Variants in NBEA observed in about 807,000 individuals in gnomAD.
The protein encoded by NBEA is lysosomal-trafficking regulator 2.
A neutral mutation model predicts 343.4 loss-of-function variants in NBEA; 44 were observed. That is an observed-to-expected ratio of 0.13 (90% CI 0.10 to 0.16). The LOEUF is 0.16. Ranked by LOEUF, NBEA falls within the 10% of genes least tolerant of loss-of-function variation. The pLI is 1.00. For synonymous variants in NBEA, 1,175 were observed against 1,238.7 expected (o/e 0.95, Z 1.08); for missense variants, 2,555 against 3,631.3 (o/e 0.70, Z 7.62).
intron 41 of NBEA, among the ~76,000 whole-genome samples, chr13:35,509,013 A>T (rs1239096471): frequency 6.6e-6 from 1 of 152,196 alleles, no homozygotes; most frequent in Non-Finnish European, 1.5e-5. Context: ...TATGCCTTTT[A>T]CCTGCAGATG....
At chr13:35,236,836 TC>T (rs1324713207) in intron 34 of NBEA, among the ~76,000 whole-genome samples, 1 of 151,962 alleles carries the variant, frequency 6.6e-6, no homozygotes, top group Non-Finnish European at 1.5e-5. Context: ...CAAATTAATG[TC>T]ATGACTTATG....
intron 41 of NBEA, among the ~76,000 whole-genome samples, chr13:35,541,762 A>T (rs199558107): frequency 9.7e-6 from 1 of 102,974 alleles, no homozygotes. Context: ...GTGTGTGTGT[A>T]TGTGTTTGTG....
intron 17 of NBEA, among the ~76,000 whole-genome samples, chr13:35,134,494 C>A (rs1282997399): frequency 6.6e-6 from 1 of 151,806 alleles, no homozygotes; most frequent in African/African-American, 2.4e-5. Flanking sequence ...GCAAAAATAT[C>A]TTACCTACTT....
intron 38 of NBEA, among the ~76,000 whole-genome samples, chr13:35,431,125 A>G (rs1160385834): frequency 2.6e-5 from 4 of 152,222 alleles, no homozygotes; most frequent in African/African-American, 9.6e-5. Flanking sequence ...AATTAAAAAA[A>G]CGTTTTCATT....
chr13:35,344,946 A>G (rs1178181022), intron 36 of NBEA, among the ~76,000 whole-genome samples: 3 of 152,090 alleles, frequency 2.0e-5, no homozygotes, highest in African/African-American at 4.8e-5. Context: ...TCACATGCCA[A>G]TCTCCCTTAT....
intron 55 of NBEA, among the ~76,000 whole-genome samples, 192 bp from the exon 56 acceptor site, chr13:35,664,893 A>G (rs569981340): frequency 3.4e-4 from 52 of 152,282 alleles, no homozygotes; most frequent in Admixed American, 8.5e-4. Flanking sequence ...AACAGCATGT[A>G]TAATAGATTC....
At chr13:35,375,088 G>A (rs568760004) in intron 38 of NBEA, among the ~76,000 whole-genome samples, 2 of 152,158 alleles carry the variant, frequency 1.3e-5, no homozygotes, top group East Asian at 1.9e-4. Context: ...AAATTAGAAT[G>A]TGCATAAGAC....
At chr13:35,519,592 G>C (rs912437654) in intron 41 of NBEA, among the ~76,000 whole-genome samples, 5 of 152,074 alleles carry the variant, frequency 3.3e-5, no homozygotes, top group African/African-American at 1.2e-4. Flanking sequence ...ATGTAGACAT[G>C]AATATTTCTT....
chr13:35,359,427 A>G (rs2040681580), intron 38 of NBEA, among the ~76,000 whole-genome samples: 2 of 152,152 alleles, frequency 1.3e-5, no homozygotes, highest in Non-Finnish European at 2.9e-5. Flanking sequence ...ATTGAATACT[A>G]ATTGTTGTTA....
At chr13:35,649,031 A>G (rs949524275) in intron 51 of NBEA, among the ~76,000 whole-genome samples, 15 of 152,268 alleles carry the variant, frequency 9.9e-5, no homozygotes, top group African/African-American at 2.4e-4. Context: ...AATTAAAAAA[A>G]AAGAAGAAGA....
chr13:35,351,385 A>G (rs1411569592), intron 37 of NBEA, among the ~76,000 whole-genome samples: 1 of 152,020 alleles, frequency 6.6e-6, no homozygotes, highest in African/African-American at 2.4e-5. Context: ...TTATAATTAA[A>G]GAAATATTTC....
chr13:35,357,565 C>T (rs2040561700), intron 38 of NBEA, among the ~76,000 whole-genome samples: 2 of 152,018 alleles, frequency 1.3e-5, no homozygotes, highest in African/African-American at 2.4e-5. Flanking sequence ...TTTTCTGTTC[C>T]TGTGTTAGTT....
chr13:35,328,071 A>C (rs1046186660), intron 36 of NBEA, among the ~76,000 whole-genome samples: 1 of 151,994 alleles, frequency 6.6e-6, no homozygotes, highest in Non-Finnish European at 1.5e-5. Flanking sequence ...CACTTATATC[A>C]AACCTTTGAC....
At chr13:35,526,211 G>T (rs750674261) in intron 41 of NBEA, among the ~76,000 whole-genome samples, 21 of 152,214 alleles carry the variant, frequency 1.4e-4, no homozygotes, top group Non-Finnish European at 2.8e-4. Flanking sequence ...ATTTTGTTTT[G>T]TAGATATTTT....
At chr13:35,520,459 T>C (rs1441417045) in intron 41 of NBEA, among the ~76,000 whole-genome samples, 1 of 152,192 alleles carries the variant, frequency 6.6e-6, no homozygotes, top group Non-Finnish European at 1.5e-5. Flanking sequence ...TCATTAGCAC[T>C]GAGAAAGTTT....
At chr13:35,363,617 G>A (rs2040937063) in intron 38 of NBEA, among the ~76,000 whole-genome samples, 1 of 151,834 alleles carries the variant, frequency 6.6e-6, no homozygotes, top group African/African-American at 2.4e-5. Flanking sequence ...GATCCTGCTT[G>A]TTCTGAAAGG....
At chr13:35,515,364 A>G (rs377719813) in intron 41 of NBEA, among the ~76,000 whole-genome samples, 1 of 152,294 alleles carries the variant, frequency 6.6e-6, no homozygotes, top group South Asian at 2.1e-4. Flanking sequence ...AAAGAGTAGG[A>G]TACTGACAAG....
At chr13:35,115,517 T>G (rs1346173506) in intron 13 of NBEA, among the ~76,000 whole-genome samples, 1 of 152,132 alleles carries the variant, frequency 6.6e-6, no homozygotes, top group Non-Finnish European at 1.5e-5. Context: ...CTTATTATTT[T>G]TTACTATGTT....
chr13:35,248,848 C>G (rs1350859099), intron 34 of NBEA, among the ~76,000 whole-genome samples: 1 of 152,068 alleles, frequency 6.6e-6, no homozygotes, highest in Non-Finnish European at 1.5e-5. Flanking sequence ...TGGAAGAAAA[C>G]AGGATAAAAG....
Sources: allele counts gnomAD v4.1 joint callset (sites outside exome capture counted in the v4.1 genomes callset), GRCh38; gene constraint gnomAD v4.1.1; transcripts MANE v1.5; gene names NCBI Gene and HGNC (gene_info 2026-07-23, HGNC 2026-07-21).